Variants in IGSF9B observed in about 807,000 individuals in gnomAD.
The protein encoded by IGSF9B is protein turtle homolog B.
A neutral mutation model predicts 143.7 loss-of-function variants in IGSF9B; 48 were observed. That is an observed-to-expected ratio of 0.33 (90% confidence interval 0.26 to 0.42). The LOEUF (loss-of-function observed/expected upper bound fraction) is 0.42. Among genes scored for constraint, IGSF9B ranks in the 20% least tolerant of loss-of-function variants. IGSF9B has a pLI of 1.00. For missense variants in IGSF9B, 1,706 were observed against 1,980.0 expected, an observed-to-expected ratio of 0.86 and a Z score of 2.63; for synonymous variants, 903 against 833.1, an observed-to-expected ratio of 1.08 and a Z score of -1.44.
chr11:133,925,703 T>G lies in IGSF9B; in HGVS notation c.2034+36A>C, dbSNP rs1231019723. ...TCTAGAGTCTTGTCGCTTCCCGGAT[T>G]TGGGAAGCAGCAGCAAGGAAGAGCA... On this transcript the variant is annotated intron_variant, in intron 14 of 19. Transcript: ENST00000533871. 6 of 1,568,698 alleles carry G rather than the reference T, an allele frequency of 3.8e-6. No individual in the cohort carries two copies. In the South Asian group the frequency reaches 4.5e-5, roughly 12 times the overall value.
Position 133,926,031 on chromosome 11 carries a change from C to A in IGSF9B, c.1808-66G>T, listed in dbSNP as rs79221925. 7,284 of 1,168,842 alleles carry A rather than the reference C, an allele frequency of 6.2e-3. 161 individuals carry two copies. In the African/African-American group the frequency reaches 0.063, roughly 10 times the overall value. 72.4% of individuals were successfully genotyped at this position (1,168,842 alleles called of 1,614,324 possible). A position where few individuals can be genotyped will look rare whatever the true frequency, so the allele number is the denominator to read the frequency against. On this transcript the variant is annotated intron_variant, in intron 13 of 19. Coordinates refer to ENST00000533871, the MANE Select transcript of IGSF9B (RefSeq NM_001277285.4). ...GGCCCAGGGCAGCCACCGCACCCCC[C>A]ACACTCCTGTGCACATGTCAGGGCC...
Position 133,945,977 on chromosome 11 carries a change from G to A in IGSF9B, c.262+84C>T. 1.1e-6 allele frequency: 1 copy of A among 918,844 alleles called. No individual in the cohort carries two copies. The highest frequency in any genetic ancestry group is 2.6e-5 in the Admixed American group (1 of 38,814). The allele number at this position is 918,844 out of a possible 1,614,324, so 56.9% of individuals were successfully genotyped here. A position where few individuals can be genotyped will look rare whatever the true frequency, so the allele number is the denominator to read the frequency against. ...GGGAAACAGAGATAAAGAGTGGTCA[G>A]GACAAGGCAGGGGCCAGAGGGGAAC... On this transcript the variant is annotated intron_variant, in intron 2 of 19. Transcript: ENST00000533871. This position sits in a 1 kb window ranked among gnomAD's most constrained non-coding sequence, Gnocchi z 4.6.
At position 133,956,942 on chromosome 11, in the gene IGSF9B, C is replaced by G. The variant is rs780011701; in HGVS notation, c.-188G>C. ...CCGCTCGGCTCGGCGCGCGCCTCCC[C>G]GGCCCCGGCGCAGCGGCACCTGCAC... On this transcript the variant is annotated 5_prime_UTR_variant, in exon 1 of 20. Coordinates refer to ENST00000533871, the MANE Select transcript of IGSF9B (RefSeq NM_001277285.4). The G allele has an allele frequency of 2.1e-5, 8 of 381,428 alleles. No individual in the cohort carries two copies. The highest frequency in any genetic ancestry group is 2.8e-5 in the Non-Finnish European group (6 of 213,112). The allele number at this position is 381,428 out of a possible 1,614,324, so 23.6% of individuals were successfully genotyped here.
rs1939646232 is a variant in IGSF9B, at chr11:133,927,329, AG to A, written c.1632-239del. On this transcript the variant is annotated intron_variant, in intron 12 of 19. Transcript: ENST00000533871. ...CATCTTTTCTACCAAAGGGGCCTTTAGGTGCAAGTCGTGCTCAGGACACTGG... is the reference window on the plus strand; with the variant it reads ...CATCTTTTCTACCAAAGGGGCCTTTAGTGCAAGTCGTGCTCAGGACACTGG... Among the ~76,000 whole-genome samples the A allele has an allele frequency of 2.6e-5, 4 of 152,334 alleles. No homozygotes were observed. In the South Asian group the frequency reaches 8.3e-4, roughly 32 times the overall value.
intron 2 of IGSF9B, among the ~76,000 whole-genome samples, chr11:133,944,590 C>A (rs536954460): frequency 6.6e-5 from 10 of 152,364 alleles, no homozygotes; most frequent in South Asian, 2.1e-4. Flanking sequence ...GCTGGCCCTG[C>A]CCCAGCCTGC....
chr11:133,952,488 C>T (rs1010909162), intron 1 of IGSF9B, among the ~76,000 whole-genome samples: 1 of 152,200 alleles, frequency 6.6e-6, no homozygotes, highest in Non-Finnish European at 1.5e-5. Flanking sequence ...GAGTGGCCCC[C>T]ACCTCGTGTC....
At chr11:133,955,165 C>T (rs1032763211) in intron 1 of IGSF9B, among the ~76,000 whole-genome samples, 1 of 152,068 alleles carries the variant, frequency 6.6e-6, no homozygotes, top group Non-Finnish European at 1.5e-5. Context: ...CATTGGAAGA[C>T]GGCAAGGAAA....
At chr11:133,934,856 G>A (rs1939793267) in intron 7 of IGSF9B, among the ~76,000 whole-genome samples, 1 of 152,244 alleles carries the variant, frequency 6.6e-6, no homozygotes, top group African/African-American at 2.4e-5. Context: ...GCCGGGAAAT[G>A]AGGGAGAGTC....
intron 17 of IGSF9B, 53 bp downstream of exon 17, chr11:133,922,124 T>C (rs1939549979): frequency 6.6e-7 from 1 of 1,505,180 alleles, no homozygotes; most frequent in Admixed American, 1.7e-5. Flanking sequence ...GCGGTCTACC[T>C]ATGCGCCCCC....
chr11:133,909,167 G>C lies in IGSF9B; in HGVS notation c.4216C>G (p.Arg1406Gly). 3 of 1,535,886 alleles carry C rather than the reference G, an allele frequency of 2.0e-6. No individual in the cohort carries two copies. The highest frequency in any genetic ancestry group is 2.6e-6 in the Non-Finnish European group (3 of 1,146,734). The change falls in exon 20 of 20, where the codon CGG (arginine) becomes GGG (glycine). Residue 1406 changes from arginine to glycine, a missense_variant. Physicochemically the swap from Arg to Gly is moderately radical, Grantham distance 125 (BLOSUM62 -2). Transcript: ENST00000533871. This position sits in a 1 kb window ranked among gnomAD's most constrained non-coding sequence, Gnocchi z 4.2. ...KRHSRPDPFA[R>G]LSDLCHRQLP... is the part of the protein sequence containing the mutation. ...TGGCGGTGGCACAAGTCTGAGAGCC[G>C]GGCAAAGGGGTCAGGACGAGAATGT...
intron 3 of IGSF9B, among the ~76,000 whole-genome samples, chr11:133,940,633 C>T (rs1379055664): frequency 3.4e-5 from 5 of 147,856 alleles, no homozygotes; most frequent in Non-Finnish European, 5.9e-5. Flanking sequence ...TGCACGTCCT[C>T]GCACGCGTCA....
chr11:133,930,846 A>C, intron 11 of IGSF9B, 138 bp downstream of exon 11: 1 of 829,790 alleles, frequency 1.2e-6, no homozygotes. Context: ...CTGGACGCGG[A>C]GTTCAGGGCT....
Position 133,904,534 on chromosome 11 carries a change from G to A in IGSF9B, c.*4535C>T, listed in dbSNP as rs377149679. Among the ~76,000 whole-genome samples, 64 of 151,916 alleles carry A rather than the reference G, an allele frequency of 4.2e-4. No homozygotes were observed. Among genetic ancestry groups the A allele is most frequent in the Middle Eastern group, 6.8e-3 (2 of 294 alleles). On this transcript the variant is annotated 3_prime_UTR_variant, in exon 20 of 20. Transcript: ENST00000533871. ...CATGCAGGACCCCACCCCACAATCC[G>A]TCCCTGATGCCCAGATCCCCCTCCC...
In IGSF9B at chr11:133,900,100, AC is replaced by A. The variant is rs10711502; in HGVS notation, c.*8968del. 69,360 of 152,196 alleles carry A rather than the reference AC, an allele frequency of 0.46. 18,095 individuals are homozygous for A. The highest frequency in any genetic ancestry group is 0.68 in the East Asian group (3,472 of 5,132). 9.4% of individuals were successfully genotyped at this position (152,196 alleles called of 1,614,324 possible). A position where few individuals can be genotyped will look rare whatever the true frequency, so the allele number is the denominator to read the frequency against. ...GGATCAAGAGTTAGACTCAAGCTTT[AC>A]CCCAACCTACTCTTCCCATAATACC... is the stretch of plus-strand genomic sequence containing the variant. On this transcript the variant is annotated 3_prime_UTR_variant, in exon 20 of 20. Coordinates refer to ENST00000533871, the MANE Select transcript of IGSF9B (RefSeq NM_001277285.4).
chr11:133,956,153 G>C (rs1047975344), intron 1 of IGSF9B, among the ~76,000 whole-genome samples: 1 of 152,190 alleles, frequency 6.6e-6, no homozygotes, highest in African/African-American at 2.4e-5. Context: ...GTGGGCAGGA[G>C]GGGCGCGAGC....
intron 19 of IGSF9B, 143 bp downstream of exon 19, chr11:133,911,743 A>G (rs1939304435): frequency 1.7e-6 from 1 of 585,074 alleles, no homozygotes; most frequent in African/African-American, 1.9e-5. Flanking sequence ...AGGACAAGAG[A>G]AGCTTGTGGA....
chr11:133,949,876 G>A (rs1940127481), intron 1 of IGSF9B, among the ~76,000 whole-genome samples: 1 of 152,114 alleles, frequency 6.6e-6, no homozygotes, highest in Non-Finnish European at 1.5e-5. Context: ...CACAGGGAAA[G>A]GCACCATAGG....
Position 133,921,262 on chromosome 11 carries a change from C to T in IGSF9B, c.2463G>A (p.Lys821=), listed in dbSNP as rs1939530220. The T allele has an allele frequency of 6.2e-7, 1 of 1,611,270 alleles. No individual in the cohort carries two copies. Among genetic ancestry groups the T allele is most frequent in the African/African-American group, 1.3e-5 (1 of 75,042 alleles). The stretch of plus-strand genomic sequence containing the variant: ...TGCTGCTGATGGCCCGCTTGGTCTT[C>T]TTGTACAGCGACAGCTCCTTCTCAC... ...PTREKELSLY[K]KTKRAISSKK... is the part of the protein sequence containing the mutation. Residue 821 remains lysine (K), a synonymous_variant, in exon 18 of 20, where the codon AAG becomes AAA. Transcript: ENST00000533871.
In IGSF9B at chr11:133,900,280, C is replaced by A. The variant is rs1407926730; in HGVS notation, c.*8789G>T. The A allele has an allele frequency of 1.3e-5, 2 of 152,558 alleles. No homozygotes were observed. Among genetic ancestry groups the A allele is most frequent in the East Asian group, 3.9e-4 (2 of 5,178 alleles). 9.5% of individuals were successfully genotyped at this position (152,558 alleles called of 1,614,324 possible). On this transcript the variant is annotated 3_prime_UTR_variant, in exon 20 of 20. Coordinates refer to ENST00000533871, the MANE Select transcript of IGSF9B (RefSeq NM_001277285.4). ...CTGAGTGATGAGCAGGAATAAGGAG[C>A]CGAAAGGTTGCAGTCCTGAGTCTCT...
Sources: gnomAD v4.1 joint callset for allele counts (sites outside exome capture counted in the v4.1 genomes callset) on GRCh38, gnomAD v4.1.1 for gene constraint, Gnocchi (gnomAD v3.1) non-coding constraint, MANE v1.5 for transcripts, NCBI Gene and HGNC (gene_info 2026-07-23, HGNC 2026-07-21) for gene names.